The following ZFPM2 variants were observed in gnomAD, a reference collection of about 807,000 sequenced individuals.
ZFPM2 encodes the protein zinc finger protein ZFPM2.
ZFPM2 carries 20 observed loss-of-function variants against 98.6 expected under a neutral mutation model. That is an observed-to-expected ratio of 0.20 (90% CI 0.14 to 0.29). ZFPM2 has a LOEUF of 0.29. ZFPM2 is among the 10% of genes least tolerant of loss of function. The pLI is 1.00. For missense variants in ZFPM2, 1,310 were observed against 1,388.6 expected (o/e 0.94, Z 0.90); for synonymous variants, 518 against 502.7 (o/e 1.03, Z -0.41).
rs555060416 is a variant in ZFPM2, at chr8:105,736,421, T to C, written c.533-52297T>C. The stretch of plus-strand genomic sequence containing the variant: ...ACTCCAGACCCAATGAATTTTGCAT[T>C]CATAAGGAGCCAGTGTGGCATCCTT... On this transcript the variant is annotated intron_variant, in intron 5 of 7. Coordinates refer to ENST00000407775, the MANE Select transcript of ZFPM2 (RefSeq NM_012082.4). 2.0e-5 allele frequency among the ~76,000 whole-genome samples: 3 copies of C among 152,144 alleles called. No individual in the cohort carries two copies. In the East Asian group the frequency reaches 5.8e-4, roughly 30 times the overall value.
rs146706900 is a variant in ZFPM2, at chr8:105,403,793, G to A, written c.41-15351G>A. On this transcript the variant is annotated intron_variant, in intron 1 of 7. Coordinates refer to ENST00000407775, the MANE Select transcript of ZFPM2 (RefSeq NM_012082.4). ...ATTTCTCCTCCTTAGAGATGAAATG[G>A]TAAAGTTAGGATGACTCAGCGTGCA... Among the ~76,000 whole-genome samples, 233 of 152,124 alleles carry A rather than the reference G, an allele frequency of 1.5e-3. 1 individual carries two copies. The highest frequency in any genetic ancestry group is 5.4e-3 in the African/African-American group (225 of 41,518).
intron 1 of ZFPM2, among the ~76,000 whole-genome samples, chr8:105,407,933 G>C (rs181787954): frequency 4.0e-5 from 6 of 151,874 alleles, no homozygotes; most frequent in Non-Finnish European, 7.4e-5. Context: ...GGAGGCTGGC[G>C]CAGAGTTTAT....
intron 1 of ZFPM2, among the ~76,000 whole-genome samples, chr8:105,393,713 T>C (rs1384246498): frequency 2.6e-5 from 4 of 152,096 alleles, no homozygotes; most frequent in African/African-American, 4.8e-5. Context: ...TGCATGTGTT[T>C]ATTTACCAGA....
intron 3 of ZFPM2, among the ~76,000 whole-genome samples, chr8:105,447,701 TTATC>T (rs1812403236): frequency 6.6e-6 from 1 of 152,032 alleles, no homozygotes; most frequent in Admixed American, 6.6e-5. Flanking sequence ...GATGGGAAAA[TTATC>T]TAAAGAATTT....
intron 3 of ZFPM2, among the ~76,000 whole-genome samples, chr8:105,531,135 G>C (rs755712838): frequency 3.9e-5 from 6 of 152,144 alleles, no homozygotes; most frequent in Non-Finnish European, 5.9e-5. Flanking sequence ...ATGGCAGCAA[G>C]AAGGTTGGTG....
chr8:105,608,609 G>A (rs1816245287), intron 4 of ZFPM2, among the ~76,000 whole-genome samples: 1 of 130,550 alleles, frequency 7.7e-6, no homozygotes. Flanking sequence ...TTTTTAATCA[G>A]TGAGTAACTA....
intron 2 of ZFPM2, among the ~76,000 whole-genome samples, chr8:105,424,253 G>A (rs1811861498): frequency 6.6e-6 from 1 of 152,156 alleles, no homozygotes; most frequent in Non-Finnish European, 1.5e-5. Flanking sequence ...CAAATTGTTT[G>A]CTGATGTTAT....
chr8:105,490,576 C>G (rs1813337807), intron 3 of ZFPM2, among the ~76,000 whole-genome samples: 2 of 152,222 alleles, frequency 1.3e-5, no homozygotes, highest in Admixed American at 1.3e-4. Context: ...ATTTGGTTAT[C>G]AATGTTATAT....
At chr8:105,567,646 T>C (rs1445792079) in intron 4 of ZFPM2, among the ~76,000 whole-genome samples, 1 of 152,104 alleles carries the variant, frequency 6.6e-6, no homozygotes, top group Non-Finnish European at 1.5e-5. Flanking sequence ...CTCTAAGATG[T>C]AATAATGAAA....
At chr8:105,529,237 G>A (rs1814241818) in intron 3 of ZFPM2, among the ~76,000 whole-genome samples, 1 of 151,844 alleles carries the variant, frequency 6.6e-6, no homozygotes. Context: ...TTAGATTATT[G>A]CTCACAGATA....
chr8:105,776,855 G>A (rs1285858187), intron 5 of ZFPM2, among the ~76,000 whole-genome samples: 1 of 152,118 alleles, frequency 6.6e-6, no homozygotes, highest in Non-Finnish European at 1.5e-5. Context: ...ATAAAATATT[G>A]ACATAATACA....
At chr8:105,365,666 A>G (rs1403932274) in intron 1 of ZFPM2, among the ~76,000 whole-genome samples, 2 of 152,146 alleles carry the variant, frequency 1.3e-5, no homozygotes. Flanking sequence ...GAAAGCCCCA[A>G]AGGAAACCAT....
chr8:105,433,643 T>C (rs1215485747), intron 2 of ZFPM2, among the ~76,000 whole-genome samples: 2 of 151,930 alleles, frequency 1.3e-5, no homozygotes, highest in Non-Finnish European at 2.9e-5. Flanking sequence ...AAAAATTAGC[T>C]GGGCGTGGTG....
intron 5 of ZFPM2, among the ~76,000 whole-genome samples, chr8:105,710,713 G>T (rs2130975616): frequency 1.3e-5 from 2 of 148,970 alleles, no homozygotes; most frequent in South Asian, 4.2e-4. Flanking sequence ...ATGTGTGTGT[G>T]GGGGGGTGTA....
intron 5 of ZFPM2, among the ~76,000 whole-genome samples, chr8:105,643,887 A>G (rs769564832): frequency 3.9e-5 from 6 of 152,256 alleles, no homozygotes; most frequent in Non-Finnish European, 8.8e-5. Flanking sequence ...TAAATAATGC[A>G]GAGCCAAATC....
intron 1 of ZFPM2, among the ~76,000 whole-genome samples, chr8:105,369,348 T>C (rs112586134): frequency 0.012 from 1,794 of 152,290 alleles, 32 homozygotes; most frequent in African/African-American, 0.041. Context: ...TTTGATGGGG[T>C]ATCATGCAGA....
chr8:105,526,489 A>G (rs1291973218), intron 3 of ZFPM2, among the ~76,000 whole-genome samples: 3 of 152,176 alleles, frequency 2.0e-5, no homozygotes, highest in Admixed American at 6.6e-5. Context: ...TATATGTTTG[A>G]AATCATTTTT....
At chr8:105,759,970 G>T (rs1405880948) in intron 5 of ZFPM2, among the ~76,000 whole-genome samples, 1 of 152,094 alleles carries the variant, frequency 6.6e-6, no homozygotes, top group African/African-American at 2.4e-5. Flanking sequence ...TACAGCTCTA[G>T]AAGGTAAGAC....
intron 2 of ZFPM2, among the ~76,000 whole-genome samples, chr8:105,443,329 A>AAAAAAAAC (rs1812300739): frequency 2.1e-5 from 3 of 144,896 alleles, no homozygotes; most frequent in African/African-American, 8.5e-5. Context: ...CAAAAAACAA[A>AAAAAAAAC]AAAAAAAAAA....
Sources: gnomAD v4.1 joint callset for allele counts (sites outside exome capture counted in the v4.1 genomes callset) on GRCh38, gnomAD v4.1.1 for gene constraint, MANE v1.5 for transcripts, NCBI Gene and HGNC (gene_info 2026-07-23, HGNC 2026-07-21) for gene names.